GATAD1: variants seen among roughly 807,000 people sequenced by gnomAD.
GATAD1 encodes the protein GATA zinc finger domain containing 1.
In GATAD1, 12 loss-of-function variants were observed where a neutral mutation model predicts 26.5. The observed-to-expected ratio is 0.45, with a 90% CI of 0.29 to 0.73. The LOEUF is 0.73. Among genes scored for constraint, GATAD1 ranks in the 30% least tolerant of loss-of-function variants. The pLI is 0.10. For missense variants in GATAD1, 266 were observed against 342.1 expected (o/e 0.78, Z 1.75); for synonymous variants, 129 against 133.1 (o/e 0.97, Z 0.21).
the GATAD1 span, among the ~76,000 whole-genome samples, chr7:92,485,495 T>G: frequency 5.3e-5 from 8 of 152,224 alleles, no homozygotes; most frequent in Admixed American, 4.6e-4. Context: ...AGACTAAGAA[T>G]GAAGAGCCAG....
the GATAD1 span, among the ~76,000 whole-genome samples, chr7:92,466,606 T>G: frequency 1.3e-5 from 2 of 152,258 alleles, no homozygotes; most frequent in Non-Finnish European, 2.9e-5. Context: ...GAGAATGTGA[T>G]GCACATCACA....
At chr7:92,479,116 A>G in the GATAD1 span, among the ~76,000 whole-genome samples, 1 of 152,230 alleles carries the variant, frequency 6.6e-6, no homozygotes, top group East Asian at 1.9e-4. Context: ...CTGTGTCTGT[A>G]CAGGGGAGCC....
chr7:92,451,831 G>A (rs1789444815), intron 3 of GATAD1, among the ~76,000 whole-genome samples: 1 of 152,202 alleles, frequency 6.6e-6, no homozygotes, highest in South Asian at 2.1e-4. Flanking sequence ...TTTTCTAGAT[G>A]AGAACATTGA....
In GATAD1 at chr7:92,458,980, T is replaced by G. The variant is rs574224998; in HGVS notation, c.*2418T>G. 1 of 152,276 alleles carries G rather than the reference T, an allele frequency of 6.6e-6. No homozygotes were observed. Among genetic ancestry groups the G allele is most frequent in the African/African-American group, 2.4e-5 (1 of 41,552 alleles). 9.4% of individuals were successfully genotyped at this position (152,276 alleles called of 1,614,324 possible). A position where few individuals can be genotyped will look rare whatever the true frequency, so the allele number is the denominator to read the frequency against. ...GGCTCACGCCTGTAATCCCAGCACT[T>G]TGGAAGGCTGAGGCAGGCGGATCAC... is the stretch of plus-strand genomic sequence containing the variant. On this transcript the variant is annotated 3_prime_UTR_variant, in exon 5 of 5. Coordinates refer to ENST00000287957, the MANE Select transcript of GATAD1 (RefSeq NM_021167.5).
At chr7:92,492,322 T>C in the GATAD1 span, among the ~76,000 whole-genome samples, 1 of 152,142 alleles carries the variant, frequency 6.6e-6, no homozygotes, top group Non-Finnish European at 1.5e-5. Flanking sequence ...TTTTAAATTT[T>C]TCACAGAGAC....
At chr7:92,470,187 G>A in the GATAD1 span, 2 of 778,742 alleles carry the variant, frequency 2.6e-6, no homozygotes, top group South Asian at 1.3e-5. Flanking sequence ...GCATATGGGT[G>A]TGGGCAGTGA....
the GATAD1 span, chr7:92,469,375 C>T: frequency 1.3e-6 from 1 of 768,850 alleles, no homozygotes. Context: ...ACCGCCAATG[C>T]CAGTACCTAG....
At chr7:92,477,360 A>G in the GATAD1 span, 1 of 152,266 alleles carries the variant, frequency 6.6e-6, no homozygotes, top group African/African-American at 2.4e-5. Flanking sequence ...ATAGCAAGTG[A>G]AAGTGGTCCA....
chr7:92,493,086 G>A, the GATAD1 span: 48 of 1,612,070 alleles, frequency 3.0e-5, no homozygotes, highest in Admixed American at 5.0e-5. Context: ...ATCTGCCAGA[G>A]GTAGAGAGTC....
At chr7:92,470,954 G>C in the GATAD1 span, 1 of 167,184 alleles carries the variant, frequency 6.0e-6, no homozygotes, top group South Asian at 2.1e-4. Context: ...TCATTTTCTC[G>C]ACCTTCCCTG....
At chr7:92,452,212 A>G (rs1008659270) in intron 3 of GATAD1, among the ~76,000 whole-genome samples, 3 of 152,210 alleles carry the variant, frequency 2.0e-5, no homozygotes, top group African/African-American at 4.8e-5. Flanking sequence ...GTGTGTCTCC[A>G]TGGAAGGGTG....
chr7:92,486,402 C>T, the GATAD1 span, among the ~76,000 whole-genome samples: 2 of 152,212 alleles, frequency 1.3e-5, no homozygotes, highest in African/African-American at 4.8e-5. Context: ...ATCCCATAGA[C>T]ATTGCTTCTG....
At chr7:92,471,414 C>G in the GATAD1 span, 1 of 152,392 alleles carries the variant, frequency 6.6e-6, no homozygotes, top group Non-Finnish European at 1.5e-5. Flanking sequence ...CTATCGATGC[C>G]TAAGTGAAAG....
At chr7:92,466,343 A>T in the GATAD1 span, among the ~76,000 whole-genome samples, 2 of 151,824 alleles carry the variant, frequency 1.3e-5, no homozygotes, top group African/African-American at 4.8e-5. Context: ...TTTTTTTTTA[A>T]GAGATGGGGT....
chr7:92,469,272 A>T, the GATAD1 span: 1 of 764,336 alleles, frequency 1.3e-6, no homozygotes, highest in South Asian at 1.3e-5. Context: ...AGTTAAGTTG[A>T]TCTTGCAAGG....
chr7:92,451,014 T>C (rs1381474089), intron 3 of GATAD1, among the ~76,000 whole-genome samples: 5 of 148,548 alleles, frequency 3.4e-5, no homozygotes, highest in Non-Finnish European at 7.5e-5. Context: ...TAGTGTAGAT[T>C]GTAGGAATTA....
chr7:92,494,440 G>T, the GATAD1 span: 1 of 1,610,244 alleles, frequency 6.2e-7, no homozygotes, highest in Non-Finnish European at 8.5e-7. Flanking sequence ...CTGATGACAT[G>T]ATGACATTTT....
intron 1 of GATAD1, among the ~76,000 whole-genome samples, chr7:92,448,298 T>C (rs919076469): frequency 6.6e-6 from 1 of 152,354 alleles, no homozygotes; most frequent in Middle Eastern, 3.4e-3. Flanking sequence ...GGTTTTGTCA[T>C]ATCAGGTTAT....
the GATAD1 span, chr7:92,492,994 A>G: frequency 3.6e-5 from 58 of 1,613,826 alleles, no homozygotes; most frequent in Non-Finnish European, 4.7e-5. Context: ...AAGGCCTCCA[A>G]TTGGGCATTG....
Sources: allele counts gnomAD v4.1 joint callset (sites outside exome capture counted in the v4.1 genomes callset), GRCh38; gene constraint gnomAD v4.1.1; transcripts MANE v1.5; gene names NCBI Gene and HGNC (gene_info 2026-07-23, HGNC 2026-07-21).